TPCN2: variants seen among roughly 807,000 people sequenced by gnomAD.
The protein encoded by TPCN2 is two pore segment channel 2, also known as two pore channel protein 2.
In TPCN2, 92 loss-of-function variants were observed where a neutral mutation model predicts 111.4. That is an observed-to-expected ratio of 0.83 (90% confidence interval 0.70 to 0.98). The LOEUF (loss-of-function observed/expected upper bound fraction) is 0.98, where lower values mean the gene tolerates loss of function less well. Among genes scored for constraint, TPCN2 ranks in the 50% least tolerant of loss-of-function variants. The pLI is 0.00. For synonymous variants in TPCN2, 405 were observed against 414.5 expected (o/e 0.98, Z 0.28); for missense variants, 995 against 980.1 (o/e 1.02, Z -0.20).
At position 69,071,344 on chromosome 11, in the gene TPCN2, C is replaced by T; in HGVS notation, c.896-12C>T. 1 of 1,613,018 alleles carries T rather than the reference C, an allele frequency of 6.2e-7. No homozygotes were observed. Among genetic ancestry groups the T allele is most frequent in the Non-Finnish European group, 8.5e-7 (1 of 1,179,456 alleles). On this transcript the variant is annotated splice_polypyrimidine_tract_variant and intron_variant, in intron 9 of 24. Transcript: ENST00000294309. ...TGGTGGCGCCCCTGACCGTGGCTGT[C>T]TCCTCTTGAAGGAAGCCTGTTTCTG...
rs554970676 is a variant in TPCN2, at chr11:69,090,540, A to G, written c.*2587A>G. 6.9e-4 allele frequency: 105 copies of G among 152,324 alleles called. No individual in the cohort carries two copies. The highest frequency in any genetic ancestry group is 2.4e-3 in the African/African-American group (99 of 41,564). The allele number at this position is 152,324 out of a possible 1,614,324, so 9.4% of individuals were successfully genotyped here. The stretch of plus-strand genomic sequence containing the variant: ...TACAATCAGCAACAGCAAAATCTAC[A>G]TGCTGCTGAGGGTCCTGCCTCATTA... On this transcript the variant is annotated 3_prime_UTR_variant, in exon 25 of 25. Transcript: ENST00000294309.
intron 2 of TPCN2, among the ~76,000 whole-genome samples, 160 bp from the exon 3 acceptor site, chr11:69,054,561 G>A (rs1854659870): frequency 6.6e-6 from 1 of 152,212 alleles, no homozygotes; most frequent in Non-Finnish European, 1.5e-5. Context: ...TTGTGATGGT[G>A]TGGGCCTGAT....
chr11:69,053,969 G>A (rs1399881996), intron 1 of TPCN2, 64 bp from the exon 2 acceptor site: 2 of 1,387,676 alleles, frequency 1.4e-6, no homozygotes, highest in Non-Finnish European at 2.0e-6. Context: ...TTGATCACGG[G>A]TATCCTGGAG....
chr11:69,081,566 G>T, intron 18 of TPCN2, 67 bp downstream of exon 18: 1 of 1,235,044 alleles, frequency 8.1e-7, no homozygotes. Flanking sequence ...GCTCCAGGGT[G>T]GGTGAGCCTG....
chr11:69,071,813 C>G (rs188369259), intron 10 of TPCN2, 110 bp from the exon 11 acceptor site: 278 of 1,017,344 alleles, frequency 2.7e-4, no homozygotes, highest in African/African-American at 1.3e-3. Context: ...TGGGCCCCCC[C>G]CCAAGGCTGC....
At chr11:69,083,342 C>T (rs1856127273) in intron 18 of TPCN2, 1 of 155,262 alleles carries the variant, frequency 6.4e-6, no homozygotes, top group Admixed American at 6.2e-5. Context: ...CTGTGGCGTT[C>T]AGCTGTGTTG....
Position 69,049,020 on chromosome 11 carries a change from C to T in TPCN2, c.23C>T (p.Ser8Leu). 3 of 1,240,580 alleles carry T rather than the reference C, an allele frequency of 2.4e-6. No homozygotes were observed. The South Asian group carries it at 1.2e-4, about 51-fold the overall frequency. The allele number at this position is 1,240,580 out of a possible 1,614,324, so 76.8% of individuals were successfully genotyped here. MAEPQAE[S>L]EPLLGGARGG... ...TGGATGGCGGAACCCCAGGCGGAGT[C>T]GGAGCCCCTGCTGGGCGGGGCCCGC... The change falls in exon 1 of 25, where the codon TCG becomes TTG. Residue 8 changes from serine (S) to leucine (L), a missense_variant. By Grantham distance (145) the Ser-to-Leu change is moderately radical (BLOSUM62 -2). Transcript: ENST00000294309.
intron 18 of TPCN2, among the ~76,000 whole-genome samples, chr11:69,082,552 C>T (rs893444005): frequency 2.4e-4 from 37 of 151,318 alleles, no homozygotes; most frequent in African/African-American, 8.6e-4. Flanking sequence ...TGAACTCGTG[C>T]CCGGGTAAGA....
At chr11:69,064,112 G>A in intron 7 of TPCN2, 145 bp downstream of exon 7, 1 of 789,462 alleles carries the variant, frequency 1.3e-6, no homozygotes, top group Admixed American at 2.1e-5. Context: ...GGGTCCAGGA[G>A]TCTGCCTTTG....
At chr11:69,068,369 G>C (rs77296545) in intron 8 of TPCN2, among the ~76,000 whole-genome samples, 1 of 87,610 alleles carries the variant, frequency 1.1e-5, no homozygotes, top group Non-Finnish European at 2.5e-5. Context: ...TGAGTCCTAG[G>C]AAGTGACCGC....
chr11:69,085,418 C>G (rs1488678495), intron 20 of TPCN2, 132 bp downstream of exon 20: 4 of 926,744 alleles, frequency 4.3e-6, no homozygotes, highest in Non-Finnish European at 6.9e-6. Context: ...TCGTCTCCTC[C>G]CTCCACCCCC....
intron 24 of TPCN2, 152 bp from the exon 25 acceptor site, chr11:69,087,723 C>CGCCG: frequency 1.6e-6 from 1 of 607,782 alleles, no homozygotes. Context: ...GTGGCTACAT[C>CGCCG]CATCCTGAGG....
rs144694814 is a variant in TPCN2, at chr11:69,087,625, G to A, written c.2181-250G>A. On this transcript the variant is annotated intron_variant, in intron 24 of 24. Coordinates refer to ENST00000294309, the MANE Select transcript of TPCN2 (RefSeq NM_139075.4). ...TCTGTGCCTTCCACCAGGGGCTGCC[G>A]AGTTGCTGCAGCCAAGCCCTGCGGT... Among the ~76,000 whole-genome samples the A allele has an allele frequency of 2.4e-4, 36 of 152,260 alleles. 1 individual carries two copies. The East Asian group carries it at 4.8e-3, about 20-fold the overall frequency.
intron 21 of TPCN2, 41 bp downstream of exon 21, chr11:69,085,793 T>C (rs1234669973): frequency 6.8e-6 from 11 of 1,612,908 alleles, no homozygotes; most frequent in Non-Finnish European, 7.6e-6. Flanking sequence ...CTCCCCGGGC[T>C]CCTCCCCTCC....
intron 17 of TPCN2, among the ~76,000 whole-genome samples, chr11:69,080,640 G>C (rs1855966564): frequency 6.6e-6 from 1 of 152,216 alleles, no homozygotes; most frequent in African/African-American, 2.4e-5. Flanking sequence ...TGCCTAGGGA[G>C]CAGCTGGGAG....
At chr11:69,067,903 TACTC>T (rs1463929445) in intron 8 of TPCN2, among the ~76,000 whole-genome samples, 1 of 152,180 alleles carries the variant, frequency 6.6e-6, no homozygotes, top group African/African-American at 2.4e-5. Flanking sequence ...CCTCCTTGTC[TACTC>T]ACTCCTCTGA....
chr11:69,083,336 G>A (rs1856126837), intron 18 of TPCN2: 1 of 154,908 alleles, frequency 6.5e-6, no homozygotes, highest in Admixed American at 6.3e-5. Context: ...TCTCCACTGT[G>A]GCGTTCAGCT....
At chr11:69,077,074 GCCCTCCTGCCCTCCTGCCA>G (rs1173863462) in intron 13 of TPCN2, among the ~76,000 whole-genome samples, 22 of 71,956 alleles carry the variant, frequency 3.1e-4, no homozygotes, top group East Asian at 4.1e-4. Flanking sequence ...CCCTCCACTT[GCCCTCCTGCCCTCCTGCCA>G]TGTCCCTCCA....
chr11:69,063,003 TGCTCTGGGCTC>T lies in TPCN2; in HGVS notation c.653+16_653+26del. On this transcript the variant is annotated intron_variant, in intron 6 of 24. Transcript: ENST00000294309. ...CGGAAATGGCCAGGTGGGCTCTTGG[TGCTCTGGGCTC>T]GCAGGGTTGGGAAGGGGCTCTCTCT... The T allele has an allele frequency of 4.3e-6, 7 of 1,612,186 alleles. No homozygotes were observed. Among genetic ancestry groups the T allele is most frequent in the African/African-American group, 1.3e-5 (1 of 75,018 alleles).
Sources: gnomAD v4.1 joint callset for allele counts (sites outside exome capture counted in the v4.1 genomes callset) on GRCh38, gnomAD v4.1.1 for gene constraint, MANE v1.5 for transcripts, NCBI Gene and HGNC (gene_info 2026-07-23, HGNC 2026-07-21) for gene names.